Variants in GRM5 observed in about 807,000 individuals in gnomAD.
GRM5 encodes metabotropic glutamate receptor 5.
A neutral mutation model predicts 83.1 loss-of-function variants in GRM5; 19 were observed. The observed-to-expected ratio is 0.23, with a 90% CI of 0.16 to 0.34. The LOEUF (loss-of-function observed/expected upper bound fraction) is 0.34. GRM5 is among the 10% of genes least tolerant of loss of function. The probability of loss-of-function intolerance (pLI) is 1.00; values close to 1 mark genes in which losing one functional copy is unlikely to be tolerated. For synonymous variants in GRM5, 675 were observed against 633.6 expected (o/e 1.07, Z -0.98); for missense variants, 1,160 against 1,588.3 (o/e 0.73, Z 4.58).
At chr11:88,574,117 C>T (rs915756957) in intron 7 of GRM5, among the ~76,000 whole-genome samples, 3 of 152,120 alleles carry the variant, frequency 2.0e-5, no homozygotes, top group Non-Finnish European at 4.4e-5. Flanking sequence ...CTCTACTTGA[C>T]TAGAAGCACC....
intron 3 of GRM5, among the ~76,000 whole-genome samples, chr11:88,801,262 G>T (rs1370337047): frequency 6.6e-6 from 1 of 152,126 alleles, no homozygotes; most frequent in Non-Finnish European, 1.5e-5. Context: ...CAAAGGATTT[G>T]TTCCTATATG....
intron 2 of GRM5, among the ~76,000 whole-genome samples, chr11:88,903,264 G>A (rs867170307): frequency 2.0e-5 from 3 of 152,128 alleles, no homozygotes; most frequent in African/African-American, 7.2e-5. Context: ...GAGGGAGAAT[G>A]TTAGGAGAAG....
At chr11:88,932,802 G>C (rs973902458) in intron 2 of GRM5, among the ~76,000 whole-genome samples, 14 of 151,958 alleles carry the variant, frequency 9.2e-5, no homozygotes, top group African/African-American at 3.4e-4. Flanking sequence ...AGACAAAACA[G>C]TGTAACATGG....
At chr11:89,026,394 G>C (rs1325038857) in intron 2 of GRM5, among the ~76,000 whole-genome samples, 1 of 152,166 alleles carries the variant, frequency 6.6e-6, no homozygotes, top group African/African-American at 2.4e-5. Context: ...TCCATGAGTA[G>C]AATTGAGGGT....
intron 3 of GRM5, among the ~76,000 whole-genome samples, chr11:88,848,295 T>G (rs1228187994): frequency 2.6e-5 from 4 of 152,306 alleles, no homozygotes; most frequent in South Asian, 2.1e-4. Flanking sequence ...ATGTGTGGCC[T>G]CATACCAAAA....
chr11:88,856,317 A>T (rs1422270295), intron 2 of GRM5, among the ~76,000 whole-genome samples: 1 of 151,918 alleles, frequency 6.6e-6, no homozygotes, highest in Non-Finnish European at 1.5e-5. Flanking sequence ...TTACTTTTTA[A>T]ACTTTTTTCT....
chr11:89,028,749 T>A (rs1245299767), intron 2 of GRM5, among the ~76,000 whole-genome samples: 2 of 152,132 alleles, frequency 1.3e-5, no homozygotes, highest in East Asian at 3.9e-4. Context: ...ATTGGTTGAT[T>A]TCATTTTGTT....
chr11:88,921,645 G>A (rs1363408679), intron 2 of GRM5, among the ~76,000 whole-genome samples: 1 of 151,712 alleles, frequency 6.6e-6, no homozygotes, highest in Admixed American at 6.6e-5. Flanking sequence ...AAAAATACTG[G>A]GCTTAGAAGG....
At chr11:89,051,898 T>C (rs1237313313) in intron 1 of GRM5, among the ~76,000 whole-genome samples, 1 of 152,190 alleles carries the variant, frequency 6.6e-6, no homozygotes, top group Non-Finnish European at 1.5e-5. Flanking sequence ...TTCTCTATGA[T>C]TGGCGACAGT....
chr11:88,616,095 G>C (rs1022234620), intron 4 of GRM5, among the ~76,000 whole-genome samples: 3 of 152,066 alleles, frequency 2.0e-5, no homozygotes, highest in Non-Finnish European at 4.4e-5. Flanking sequence ...TTTAAAAATA[G>C]TATCTAGCAG....
intron 3 of GRM5, among the ~76,000 whole-genome samples, chr11:88,706,827 G>A (rs142995095): frequency 2.5e-4 from 38 of 152,170 alleles, no homozygotes; most frequent in Admixed American, 1.9e-3. Flanking sequence ...ATTAGTAATT[G>A]AATGGAATCA....
At chr11:89,065,447 C>T (rs1821165469) in intron 1 of GRM5, among the ~76,000 whole-genome samples, 1 of 151,756 alleles carries the variant, frequency 6.6e-6, no homozygotes. Flanking sequence ...CACTTAAATC[C>T]CTCACTTATG....
intron 2 of GRM5, among the ~76,000 whole-genome samples, chr11:88,950,347 GA>G (rs1156749252): frequency 3.3e-5 from 3 of 89,582 alleles, no homozygotes; most frequent in Admixed American, 1.6e-4. Context: ...ATATTTGTGA[GA>G]TAAGTGTGTG....
At chr11:88,802,712 G>T (rs940437719) in intron 3 of GRM5, among the ~76,000 whole-genome samples, 1 of 151,184 alleles carries the variant, frequency 6.6e-6, no homozygotes, top group African/African-American at 2.4e-5. Context: ...AGGAAATAAA[G>T]GGTATTCAAT....
At chr11:88,780,144 G>A (rs1942945260) in intron 3 of GRM5, among the ~76,000 whole-genome samples, 1 of 151,998 alleles carries the variant, frequency 6.6e-6, no homozygotes, top group African/African-American at 2.4e-5. Context: ...TTTTCCTTGT[G>A]GCACTTACAA....
chr11:88,804,193 C>T (rs1354952313), intron 3 of GRM5, among the ~76,000 whole-genome samples: 1 of 149,954 alleles, frequency 6.7e-6, no homozygotes, highest in East Asian at 2.0e-4. Flanking sequence ...TGGGTATATA[C>T]CCAAAGGACT....
intron 2 of GRM5, among the ~76,000 whole-genome samples, chr11:88,911,238 G>T (rs1345042502): frequency 6.6e-6 from 1 of 152,086 alleles, no homozygotes; most frequent in Non-Finnish European, 1.5e-5. Flanking sequence ...ACTAGTTGGA[G>T]TCTCTGGGCA....
intron 3 of GRM5, among the ~76,000 whole-genome samples, chr11:88,816,746 CAAA>C (rs34178436): frequency 3.3e-5 from 4 of 122,424 alleles, no homozygotes; most frequent in African/African-American, 6.3e-5. Context: ...CAGATTGGTC[CAAA>C]AAAAAAAAAA....
At chr11:89,059,892 T>C (rs780844544) in intron 1 of GRM5, among the ~76,000 whole-genome samples, 10 of 152,190 alleles carry the variant, frequency 6.6e-5, no homozygotes, top group Non-Finnish European at 1.3e-4. Flanking sequence ...TTTTTCTAAC[T>C]TGTGCAATTT....
Sources: gnomAD v4.1 joint callset for allele counts (sites outside exome capture counted in the v4.1 genomes callset) on GRCh38, gnomAD v4.1.1 for gene constraint, MANE v1.5 for transcripts, NCBI Gene and HGNC (gene_info 2026-07-23, HGNC 2026-07-21) for gene names.